MAGI2: variants seen among roughly 807,000 people sequenced by gnomAD.
MAGI2 encodes membrane-associated guanylate kinase, WW and PDZ domain-containing protein 2.
A neutral mutation model predicts 133.3 loss-of-function variants in MAGI2; 35 were observed. The observed-to-expected ratio is 0.26, with a 90% CI of 0.20 to 0.35. The LOEUF is 0.35. Among genes scored for constraint, MAGI2 ranks in the 10% least tolerant of loss-of-function variants. The pLI is 1.00. For synonymous variants in MAGI2, 729 were observed against 710.6 expected (o/e 1.03, Z -0.41); for missense variants, 1,636 against 1,863.4 (o/e 0.88, Z 2.25).
At chr7:79,399,550 C>T (rs1289407157) in intron 1 of MAGI2, among the ~76,000 whole-genome samples, 1 of 152,042 alleles carries the variant, frequency 6.6e-6, no homozygotes, top group Non-Finnish European at 1.5e-5. Context: ...GAAATGCACA[C>T]CCTAGATACA....
At chr7:78,197,872 C>A (rs1828875471) in intron 11 of MAGI2, 1 of 152,560 alleles carries the variant, frequency 6.6e-6, no homozygotes, top group South Asian at 2.1e-4. Context: ...AAACCACCTG[C>A]CCTGGGGTCA....
At chr7:78,154,716 C>T (rs1824219702) in intron 16 of MAGI2, among the ~76,000 whole-genome samples, 1 of 152,080 alleles carries the variant, frequency 6.6e-6, no homozygotes, top group Non-Finnish European at 1.5e-5. Flanking sequence ...TAGAAAAGGG[C>T]CACTTCATTA....
At chr7:79,057,047 TTTG>T (rs1813211872) in intron 1 of MAGI2, among the ~76,000 whole-genome samples, 1 of 152,212 alleles carries the variant, frequency 6.6e-6, no homozygotes, top group Non-Finnish European at 1.5e-5. Context: ...TTTCTTGTTG[TTTG>T]TTGTTTTAAA....
intron 1 of MAGI2, among the ~76,000 whole-genome samples, chr7:79,439,469 C>A (rs1179151495): frequency 6.6e-6 from 1 of 152,002 alleles, no homozygotes; most frequent in Non-Finnish European, 1.5e-5. Flanking sequence ...ATATTATACC[C>A]CTCTGCTTCT....
At chr7:78,688,776 T>A (rs1468174132) in intron 2 of MAGI2, among the ~76,000 whole-genome samples, 3 of 152,158 alleles carry the variant, frequency 2.0e-5, no homozygotes, top group Non-Finnish European at 4.4e-5. Context: ...AATACAAGAT[T>A]TACAAAGATC....
chr7:78,778,904 C>CTTT (rs71085566), intron 2 of MAGI2, among the ~76,000 whole-genome samples: 18 of 118,420 alleles, frequency 1.5e-4, no homozygotes, highest in Admixed American at 1.8e-4. Context: ...CCTTTTCAGC[C>CTTT]TTTTTTTTTT....
rs115374441 is a variant in MAGI2 at position 78,550,186 on chromosome 7, G to T, written c.539-28541C>A. Among the ~76,000 whole-genome samples, 583 of 152,228 alleles carry T rather than the reference G, an allele frequency of 3.8e-3. 3 individuals are homozygous for T. The highest frequency in any genetic ancestry group is 0.014 in the African/African-American group (562 of 41,530). ...AGAAGCAAATTTCTGTTGTTTATAGGCCACTCAGTTTACAGTATTTTGTTA... is the reference window on the plus strand; with the variant it reads ...AGAAGCAAATTTCTGTTGTTTATAGTCCACTCAGTTTACAGTATTTTGTTA... On this transcript the variant is annotated intron_variant, in intron 3 of 21. Coordinates refer to ENST00000354212, the MANE Select transcript of MAGI2 (RefSeq NM_012301.4).
chr7:79,274,961 T>C (rs1835131920), intron 1 of MAGI2, among the ~76,000 whole-genome samples: 1 of 152,170 alleles, frequency 6.6e-6, no homozygotes, highest in Non-Finnish European at 1.5e-5. Flanking sequence ...ATGCTGTAAG[T>C]GTTCTAACTG....
chr7:79,305,185 G>A (rs1161705379), intron 1 of MAGI2, among the ~76,000 whole-genome samples: 1 of 152,156 alleles, frequency 6.6e-6, no homozygotes, highest in Non-Finnish European at 1.5e-5. Flanking sequence ...TGGGGGACTA[G>A]TGGCAGCCTA....
At chr7:79,358,010 A>T (rs902343266) in intron 1 of MAGI2, among the ~76,000 whole-genome samples, 2 of 152,140 alleles carry the variant, frequency 1.3e-5, no homozygotes, top group African/African-American at 4.8e-5. Flanking sequence ...GATTTGTAGG[A>T]CAATAGGTGA....
intron 6 of MAGI2, among the ~76,000 whole-genome samples, chr7:78,453,493 A>G (rs1788949592): frequency 6.6e-6 from 1 of 152,188 alleles, no homozygotes; most frequent in African/African-American, 2.4e-5. Context: ...TCTTCCTCCT[A>G]GTCTTTTCAG....
intron 2 of MAGI2, among the ~76,000 whole-genome samples, chr7:78,750,741 C>T (rs916670521): frequency 1.3e-5 from 2 of 152,012 alleles, no homozygotes; most frequent in East Asian, 3.9e-4. Flanking sequence ...GGCTGGAGGG[C>T]AGGTTTAGTA....
chr7:78,427,510 G>A (rs901739526), intron 6 of MAGI2, among the ~76,000 whole-genome samples: 1 of 152,074 alleles, frequency 6.6e-6, no homozygotes, highest in African/African-American at 2.4e-5. Context: ...ATGATGAAAA[G>A]CTGAATTCAT....
At chr7:78,155,430 A>C (rs1824292748) in intron 16 of MAGI2, among the ~76,000 whole-genome samples, 2 of 152,172 alleles carry the variant, frequency 1.3e-5, no homozygotes, top group Admixed American at 1.3e-4. Flanking sequence ...CCCAGGCAAC[A>C]TGGCAAAACC....
chr7:78,664,802 C>T (rs1373364654), intron 2 of MAGI2, among the ~76,000 whole-genome samples: 1 of 151,866 alleles, frequency 6.6e-6, no homozygotes. Context: ...CTGAGTTAAG[C>T]TATGCTTGAA....
chr7:78,691,865 T>G (rs1258302016), intron 2 of MAGI2, among the ~76,000 whole-genome samples: 1 of 152,134 alleles, frequency 6.6e-6, no homozygotes, highest in Non-Finnish European at 1.5e-5. Context: ...TCATAGAATG[T>G]ACAATACCAA....
At chr7:79,383,395 G>C (rs1031856094) in intron 1 of MAGI2, among the ~76,000 whole-genome samples, 1 of 151,578 alleles carries the variant, frequency 6.6e-6, no homozygotes, top group Non-Finnish European at 1.5e-5. Flanking sequence ...GTTTAGGAAG[G>C]GTTCAGTAAT....
At chr7:78,380,355 A>C (rs1382901026) in intron 6 of MAGI2, among the ~76,000 whole-genome samples, 6 of 152,130 alleles carry the variant, frequency 3.9e-5, no homozygotes, top group Non-Finnish European at 1.5e-5. Context: ...AGTGTCTATC[A>C]ACAGATGAAT....
intron 1 of MAGI2, among the ~76,000 whole-genome samples, chr7:79,138,039 A>G (rs1821754848): frequency 1.3e-5 from 2 of 152,188 alleles, no homozygotes; most frequent in African/African-American, 4.8e-5. Context: ...CAAGTAATGT[A>G]GGTGGCCTCT....
Sources: gnomAD v4.1 joint callset for allele counts (sites outside exome capture counted in the v4.1 genomes callset) on GRCh38, gnomAD v4.1.1 for gene constraint, MANE v1.5 for transcripts, NCBI Gene and HGNC (gene_info 2026-07-23, HGNC 2026-07-21) for gene names.